Variants in SLC35F4 observed in about 807,000 individuals in gnomAD.
SLC35F4 encodes solute carrier family 35 member F4, also known as chromosome 14 open reading frame 36.
A neutral mutation model predicts 44.2 loss-of-function variants in SLC35F4; 24 were observed. That is an observed-to-expected ratio of 0.54 (90% CI 0.39 to 0.76). The LOEUF (loss-of-function observed/expected upper bound fraction) is 0.76. Ranked by LOEUF, SLC35F4 falls within the 30% of genes least tolerant of loss-of-function variation. The pLI, the probability that SLC35F4 is intolerant of heterozygous loss-of-function variation, is 0.00. For missense variants in SLC35F4, 562 were observed against 586.1 expected, an observed-to-expected ratio of 0.96 and a Z score of 0.42; for synonymous variants, 238 against 223.6, an observed-to-expected ratio of 1.06 and a Z score of -0.57.
chr14:57,980,545 C>G (rs1881346917), intron 1 of SLC35F4, among the ~76,000 whole-genome samples: 1 of 152,152 alleles, frequency 6.6e-6, no homozygotes, highest in Admixed American at 6.5e-5. Flanking sequence ...TGAGCTGATT[C>G]TTTGGTCTTG....
At chr14:57,614,381 T>C (rs2071685390) in intron 1 of SLC35F4, among the ~76,000 whole-genome samples, 1 of 152,224 alleles carries the variant, frequency 6.6e-6, no homozygotes, top group Non-Finnish European at 1.5e-5. Context: ...GGATATTTAT[T>C]CTGTTTAATT....
intron 1 of SLC35F4, among the ~76,000 whole-genome samples, chr14:57,940,768 C>G (rs979452110): frequency 6.6e-6 from 1 of 152,148 alleles, no homozygotes; most frequent in Non-Finnish European, 1.5e-5. Flanking sequence ...CTGTTCTCCC[C>G]CACTACTCCT....
At chr14:57,665,159 T>C (rs1291433740) in intron 1 of SLC35F4, among the ~76,000 whole-genome samples, 6 of 151,604 alleles carry the variant, frequency 4.0e-5, no homozygotes, top group African/African-American at 1.5e-4. Flanking sequence ...ACACACACCT[T>C]AAAGACTGGG....
chr14:57,756,910 C>T (rs1450937269), intron 1 of SLC35F4, among the ~76,000 whole-genome samples: 1 of 151,964 alleles, frequency 6.6e-6, no homozygotes, highest in Non-Finnish European at 1.5e-5. Context: ...GATCCTTGAA[C>T]CATGGCCTCC....
At chr14:57,930,682 G>A (rs945050871) in intron 1 of SLC35F4, among the ~76,000 whole-genome samples, 3 of 152,214 alleles carry the variant, frequency 2.0e-5, no homozygotes, top group African/African-American at 7.2e-5. Context: ...AAGTCTGTAT[G>A]TGTTGCCTCT....
chr14:57,972,971 C>T (rs1212328754), downstream of SLC35F4, among the ~76,000 whole-genome samples: 1 of 152,226 alleles, frequency 6.6e-6, no homozygotes, highest in Non-Finnish European at 1.5e-5. Flanking sequence ...TAATGCTTTG[C>T]ATATACCATG....
At chr14:57,757,561 T>C (rs564206359) in intron 1 of SLC35F4, among the ~76,000 whole-genome samples, 1 of 152,292 alleles carries the variant, frequency 6.6e-6, no homozygotes, top group South Asian at 2.1e-4. Flanking sequence ...TATCAGTTTC[T>C]TTAGAGTTCA....
intron 1 of SLC35F4, among the ~76,000 whole-genome samples, chr14:57,756,427 A>G (rs2076995203): frequency 1.3e-5 from 2 of 152,270 alleles, no homozygotes; most frequent in Middle Eastern, 3.4e-3. Flanking sequence ...TTTAATTCCA[A>G]TGGAAGCAGA....
chr14:57,569,394 C>A (rs930960130), intron 6 of SLC35F4, among the ~76,000 whole-genome samples: 2 of 152,176 alleles, frequency 1.3e-5, no homozygotes, highest in Admixed American at 6.5e-5. Context: ...GTGCTCCCAC[C>A]AGTTTGAACC....
intron 1 of SLC35F4, among the ~76,000 whole-genome samples, chr14:57,920,143 A>G (rs1016906878): frequency 3.9e-5 from 6 of 152,182 alleles, no homozygotes; most frequent in Non-Finnish European, 8.8e-5. Flanking sequence ...ATCTTCCAAA[A>G]GCCACTTAAA....
At chr14:57,643,124 A>G (rs533515508) in intron 1 of SLC35F4, among the ~76,000 whole-genome samples, 1 of 152,132 alleles carries the variant, frequency 6.6e-6, no homozygotes, top group South Asian at 2.1e-4. Context: ...ATGACCCACA[A>G]ACAAAAGTTT....
In SLC35F4 at chr14:57,566,568, T is replaced by C; in HGVS notation, c.1127-4A>G. On this transcript the variant is annotated splice_polypyrimidine_tract_variant and splice_region_variant and intron_variant, in intron 6 of 7. Coordinates refer to ENST00000556826, the MANE Select transcript of SLC35F4 (RefSeq NM_001306087.2). Reference sequence around the variant, plus strand: ...ACATTCACCAGGATGTTGAAGGCTGTAAAATAGAGGAGGAAATGCAAGATG... The same window carrying C: ...ACATTCACCAGGATGTTGAAGGCTGCAAAATAGAGGAGGAAATGCAAGATG... 6.3e-7 allele frequency: 1 copy of C among 1,591,926 alleles called. No homozygotes were observed. Among genetic ancestry groups the C allele is most frequent in the Non-Finnish European group, 8.6e-7 (1 of 1,168,662 alleles).
At chr14:57,839,881 C>G (rs1197502369) in intron 1 of SLC35F4, among the ~76,000 whole-genome samples, 1 of 152,146 alleles carries the variant, frequency 6.6e-6, no homozygotes, top group Non-Finnish European at 1.5e-5. Flanking sequence ...GAGTTAAGAA[C>G]TTTATCAACA....
Position 57,837,324 on chromosome 14 carries a change from C to T in SLC35F4, c.103+28399G>A, listed in dbSNP as rs1885031285. 4.6e-5 allele frequency: 7 copies of T among 152,088 alleles called. No individual in the cohort carries two copies. In the South Asian group the frequency reaches 1.0e-3, roughly 23 times the overall value. 9.4% of individuals were successfully genotyped at this position (152,088 alleles called of 1,614,324 possible). On this transcript the variant is annotated intron_variant, in intron 1 of 7. Transcript: ENST00000556826. ...TAATTGCGAAGAATTTTTCTAGCAG[C>T]GAAAAGAGCAGAAGGGAGGTATGAT...
At chr14:57,958,879 G>A (rs764970836) in intron 1 of SLC35F4, among the ~76,000 whole-genome samples, 5 of 152,282 alleles carry the variant, frequency 3.3e-5, no homozygotes, top group Non-Finnish European at 5.9e-5. Flanking sequence ...CTAACTCCCC[G>A]TAGAGAGAGG....
At chr14:57,818,140 A>C (rs1433206696) in intron 1 of SLC35F4, among the ~76,000 whole-genome samples, 3 of 152,212 alleles carry the variant, frequency 2.0e-5, no homozygotes, top group African/African-American at 7.2e-5. Flanking sequence ...CTTAATAATC[A>C]GAGACAAGGA....
At chr14:57,699,277 C>A (rs956939274) in intron 1 of SLC35F4, among the ~76,000 whole-genome samples, 1 of 152,106 alleles carries the variant, frequency 6.6e-6, no homozygotes, top group Non-Finnish European at 1.5e-5. Context: ...GGGACAATAT[C>A]TTTCACGTTA....
chr14:57,977,855 A>G (rs1239081014), intron 1 of SLC35F4, among the ~76,000 whole-genome samples: 2 of 152,198 alleles, frequency 1.3e-5, no homozygotes, highest in African/African-American at 2.4e-5. Flanking sequence ...AATCTTCTCA[A>G]TGGACAGAAC....
At chr14:57,566,366 C>T in intron 7 of SLC35F4, 109 bp downstream of exon 7, 1 of 1,012,532 alleles carries the variant, frequency 9.9e-7, no homozygotes, top group Non-Finnish European at 1.4e-6. Flanking sequence ...TCTTCCCAGG[C>T]AAGGAACATA....
Sources: gnomAD v4.1 joint callset for allele counts (sites outside exome capture counted in the v4.1 genomes callset) on GRCh38, gnomAD v4.1.1 for gene constraint, MANE v1.5 for transcripts, NCBI Gene and HGNC (gene_info 2026-07-23, HGNC 2026-07-21) for gene names.